Variants in ERG observed in about 807,000 individuals in gnomAD.
ERG encodes the protein ETS transcription factor ERG.
ERG carries 9 observed loss-of-function variants against 55.3 expected under a neutral mutation model. The observed-to-expected ratio is 0.16, with a 90% CI of 0.10 to 0.28. ERG has a LOEUF of 0.28. Among genes scored for constraint, ERG ranks in the 10% least tolerant of loss-of-function variants. The probability of loss-of-function intolerance (pLI) is 1.00; values close to 1 mark genes in which losing one functional copy is unlikely to be tolerated. For missense variants in ERG, 434 were observed against 631.6 expected, an observed-to-expected ratio of 0.69 and a Z score of 3.35; for synonymous variants, 223 against 237.3, an observed-to-expected ratio of 0.94 and a Z score of 0.55.
chr21:38,596,474 G>C (rs943164764), intron 1 of ERG, among the ~76,000 whole-genome samples: 1 of 152,130 alleles, frequency 6.6e-6, no homozygotes, highest in African/African-American at 2.4e-5. Context: ...TCCACCACAG[G>C]GCCCTCTCTT....
intron 1 of ERG, among the ~76,000 whole-genome samples, chr21:38,489,984 A>G (rs1044780742): frequency 6.6e-6 from 1 of 152,240 alleles, no homozygotes; most frequent in Non-Finnish European, 1.5e-5. Context: ...GAATAAGAAG[A>G]ATAGGGAGAC....
At chr21:38,615,226 C>A in intron 1 of ERG, among the ~76,000 whole-genome samples, 1 of 152,180 alleles carries the variant, frequency 6.6e-6, no homozygotes, top group East Asian at 1.9e-4. Flanking sequence ...ATTAAACTGG[C>A]AATACCAGTG....
intron 2 of ERG, among the ~76,000 whole-genome samples, chr21:38,518,038 T>C (rs1049663539): frequency 6.6e-6 from 1 of 152,140 alleles, no homozygotes; most frequent in African/African-American, 2.4e-5. Context: ...TGATGTTGTA[T>C]AGCAGAGTAG....
intron 6 of ERG, among the ~76,000 whole-genome samples, 200 bp from the exon 7 acceptor site, chr21:38,392,644 G>A (rs966094372): frequency 4.6e-5 from 7 of 152,122 alleles, no homozygotes; most frequent in East Asian, 1.9e-4. Context: ...ATTCTCACCC[G>A]TTTGTCTGAA....
rs1555896858 is a variant in ERG at position 38,424,181 on chromosome 21, G to GCGCTCTCTCTCTCTCTCTCTCTCTCT, written c.237-621_237-620insAGAGAGAGAGAGAGAGAGAGAGAGCG. Among the ~76,000 whole-genome samples, 6 of 88,078 alleles carry GCGCTCTCTCTCTCTCTCTCTCTCTCT rather than the reference G, an allele frequency of 6.8e-5. 1 individual carries two copies. Among genetic ancestry groups the GCGCTCTCTCTCTCTCTCTCTCTCTCT allele is most frequent in the African/African-American group, 2.2e-4 (5 of 23,066 alleles). 57.8% of individuals were successfully genotyped at this position (88,078 alleles called of 152,430 possible). Reference sequence around the variant, plus strand: ...CTTATTAGAAAAGAAAGAGACCAGAGCTCGAGCTCTCTCTCTCTCTCTCTC... The same window carrying GCGCTCTCTCTCTCTCTCTCTCTCTCT: ...CTTATTAGAAAAGAAAGAGACCAGAGCGCTCTCTCTCTCTCTCTCTCTCTCTCTCGAGCTCTCTCTCTCTCTCTCTC... On this transcript the variant is annotated intron_variant, in intron 2 of 9. Transcript: ENST00000288319.
chr21:38,447,918 T>C (rs1313929396), intron 1 of ERG, among the ~76,000 whole-genome samples: 5 of 152,040 alleles, frequency 3.3e-5, no homozygotes, highest in African/African-American at 9.7e-5. Flanking sequence ...GAAAACAGGT[T>C]ATATATATAA....
intron 1 of ERG, among the ~76,000 whole-genome samples, chr21:38,654,992 T>C (rs1431537464): frequency 2.0e-5 from 3 of 152,238 alleles, no homozygotes. Context: ...TTTTACCTCA[T>C]TTCCTAATAA....
At chr21:38,429,256 G>GTA (rs60613552) in intron 2 of ERG, among the ~76,000 whole-genome samples, 5,964 of 151,118 alleles carry the variant, frequency 0.039, 309 homozygotes, top group East Asian at 0.21. Flanking sequence ...GTGTGTGTGT[G>GTA]TATATACACA....
chr21:38,402,712 C>CAAAAAAAAAAA (rs759434219), intron 4 of ERG, 75 bp from the exon 5 acceptor site: 16 of 165,186 alleles, frequency 9.7e-5, no homozygotes, highest in East Asian at 2.2e-4. Flanking sequence ...ACCTTTCTTA[C>CAAAAAAAAAAA]AAAAAAAAAA....
intron 1 of ERG, among the ~76,000 whole-genome samples, chr21:38,654,647 T>C (rs141769027): frequency 6.6e-6 from 1 of 152,350 alleles, no homozygotes; most frequent in East Asian, 1.9e-4. Context: ...AGATTTGATT[T>C]TTACTGTCAT....
chr21:38,630,214 C>T (rs2060348918), intron 1 of ERG, among the ~76,000 whole-genome samples: 1 of 151,918 alleles, frequency 6.6e-6, no homozygotes, highest in African/African-American at 2.4e-5. Context: ...CAAATGTGCT[C>T]GATACCCCTG....
downstream of ERG, among the ~76,000 whole-genome samples, chr21:38,379,173 T>A (rs1291454956): frequency 6.6e-6 from 1 of 152,242 alleles, no homozygotes; most frequent in Non-Finnish European, 1.5e-5. Flanking sequence ...GCATCCTGGA[T>A]GTGTCACATA....
At chr21:38,487,021 G>A (rs1271197440) in intron 1 of ERG, among the ~76,000 whole-genome samples, 1 of 152,164 alleles carries the variant, frequency 6.6e-6, no homozygotes, top group Non-Finnish European at 1.5e-5. Flanking sequence ...GTGGGACAGG[G>A]ACCTGCGGTC....
chr21:38,372,786 T>C, the ERG span, among the ~76,000 whole-genome samples: 1 of 152,118 alleles, frequency 6.6e-6, no homozygotes, highest in African/African-American at 2.4e-5. Flanking sequence ...AGCAGTACTC[T>C]AACCCCATTA....
intron 3 of ERG, among the ~76,000 whole-genome samples, chr21:38,421,649 C>A (rs1989546082): frequency 6.6e-6 from 1 of 152,138 alleles, no homozygotes; most frequent in Non-Finnish European, 1.5e-5. Context: ...TTCACCCATG[C>A]ATGCCCTTGG....
At chr21:38,418,281 G>GTGTC (rs72277404) in intron 3 of ERG, among the ~76,000 whole-genome samples, 6 of 150,784 alleles carry the variant, frequency 4.0e-5, no homozygotes, top group South Asian at 4.2e-4. Context: ...GTGTGTGTGT[G>GTGTC]TGTGTGTGTG....
chr21:38,543,653 G>GA (rs1442454331), intron 2 of ERG, among the ~76,000 whole-genome samples: 5 of 147,244 alleles, frequency 3.4e-5, no homozygotes, highest in Admixed American at 6.8e-5. Flanking sequence ...GTACAGTAAA[G>GA]AAAAAAATAA....
intron 6 of ERG, among the ~76,000 whole-genome samples, chr21:38,398,652 G>A (rs1014919608): frequency 3.9e-5 from 6 of 152,030 alleles, no homozygotes; most frequent in Non-Finnish European, 7.4e-5. Flanking sequence ...CATCCTCACA[G>A]TCACCCTCTT....
intron 2 of ERG, among the ~76,000 whole-genome samples, chr21:38,545,295 C>T (rs1452513697): frequency 6.6e-6 from 1 of 152,184 alleles, no homozygotes; most frequent in African/African-American, 2.4e-5. Context: ...CTGGACCTCC[C>T]ACTCTTGGGA....
Sources: gnomAD v4.1 joint callset for allele counts (sites outside exome capture counted in the v4.1 genomes callset) on GRCh38, gnomAD v4.1.1 for gene constraint, MANE v1.5 for transcripts, NCBI Gene and HGNC (gene_info 2026-07-23, HGNC 2026-07-21) for gene names.